CASQ2: variants seen among roughly 807,000 people sequenced by gnomAD.
CASQ2 encodes calsequestrin-2.
CASQ2 carries 49 observed loss-of-function variants against 46.5 expected under a neutral mutation model. That is an observed-to-expected ratio of 1.05 (90% CI 0.84 to 1.34). The LOEUF (loss-of-function observed/expected upper bound fraction) is 1.34. Ranked by LOEUF, CASQ2 falls within the 40% of genes most tolerant of loss-of-function variation. CASQ2 has a pLI of 0.00. For missense variants in CASQ2, 486 were observed against 481.3 expected (o/e 1.01, Z -0.09); for synonymous variants, 174 against 168.5 (o/e 1.03, Z -0.25).
At chr1:115,758,992 C>T (rs1055069240) in intron 1 of CASQ2, among the ~76,000 whole-genome samples, 6 of 152,108 alleles carry the variant, frequency 3.9e-5, no homozygotes, top group Non-Finnish European at 7.4e-5. Flanking sequence ...GTAGAAAAAG[C>T]ATAGAGGAGG....
chr1:115,759,521 A>G (rs949441370), intron 1 of CASQ2, among the ~76,000 whole-genome samples: 2 of 152,156 alleles, frequency 1.3e-5, no homozygotes, highest in African/African-American at 4.8e-5. Flanking sequence ...GCAGCTGCCA[A>G]TTTTGAACTT....
chr1:115,744,955 G>A (rs1648332949), intron 1 of CASQ2, 43 bp from the exon 2 acceptor site: 1 of 1,362,148 alleles, frequency 7.3e-7, no homozygotes, highest in Non-Finnish European at 1.1e-6. Context: ...AGGGCAGAAA[G>A]ATGGTAGAAA....
At chr1:115,734,954 A>C (rs144156633) in intron 4 of CASQ2, among the ~76,000 whole-genome samples, 1 of 152,246 alleles carries the variant, frequency 6.6e-6, no homozygotes, top group Non-Finnish European at 1.5e-5. Flanking sequence ...TTCTGAAAGC[A>C]CTGCACAAAA....
chr1:115,765,454 G>A (rs1649103493), intron 1 of CASQ2, among the ~76,000 whole-genome samples: 2 of 152,094 alleles, frequency 1.3e-5, no homozygotes, highest in Admixed American at 6.6e-5. Context: ...CTAGTGTGAG[G>A]AGCTATGAGT....
rs550654672 is a variant in CASQ2, at chr1:115,733,177, G to C, written c.533-203C>G. Among the ~76,000 whole-genome samples the C allele has an allele frequency of 6.6e-5, 10 of 152,232 alleles. 1 individual carries two copies. The South Asian group carries it at 2.1e-3, about 32-fold the overall frequency. Reference sequence around the variant, plus strand: ...AGTTGGAATTGACTGGCATTCAAACGCCCAAGAGAAGACCCATTCACCACA... The same window carrying C: ...AGTTGGAATTGACTGGCATTCAAACCCCCAAGAGAAGACCCATTCACCACA... On this transcript the variant is annotated intron_variant, in intron 4 of 10. Transcript: ENST00000261448.
At position 115,700,156 on chromosome 1, in the gene CASQ2, C is replaced by T. The variant is rs1654160951; in HGVS notation, c.*1085G>A. ...TGAGAAAATAAATTAGAAAATTATA[C>T]TGCACACTTAACACTAAATCTACCA... On this transcript the variant is annotated 3_prime_UTR_variant, in exon 11 of 11. Coordinates refer to ENST00000261448, the MANE Select transcript of CASQ2 (RefSeq NM_001232.4). 1 of 152,442 alleles carries T rather than the reference C, an allele frequency of 6.6e-6. No homozygotes were observed. Among genetic ancestry groups the T allele is most frequent in the South Asian group, 2.1e-4 (1 of 4,816 alleles). The allele number at this position is 152,442 out of a possible 1,614,324, so 9.4% of individuals were successfully genotyped here.
rs1557783511 is a variant in CASQ2 at position 115,700,941 on chromosome 1, A to G, written c.*300T>C. Reference sequence around the variant, plus strand: ...AGGGGATTGTTCACCCTAGACTGCCATGTTCAGGCACTGCCATGACCCTTG... The same window carrying G: ...AGGGGATTGTTCACCCTAGACTGCCGTGTTCAGGCACTGCCATGACCCTTG... On this transcript the variant is annotated 3_prime_UTR_variant, in exon 11 of 11. Coordinates refer to ENST00000261448, the MANE Select transcript of CASQ2 (RefSeq NM_001232.4). 1.8e-5 allele frequency: 11 copies of G among 605,170 alleles called. No homozygotes were observed. The highest frequency in any genetic ancestry group is 1.8e-4 in the South Asian group (9 of 50,240). The allele number at this position is 605,170 out of a possible 1,614,324, so 37.5% of individuals were successfully genotyped here.
chr1:115,738,139 A>G, intron 4 of CASQ2, 85 bp downstream of exon 4: 1 of 822,672 alleles, frequency 1.2e-6, no homozygotes, highest in Non-Finnish European at 2.2e-6. Flanking sequence ...GGTGCTGAAG[A>G]CCCATCCTCT....
rs569885670 is a variant in CASQ2, at chr1:115,750,757, T to C, written c.235-5845A>G. Among the ~76,000 whole-genome samples the C allele has an allele frequency of 9.8e-5, 15 of 152,324 alleles. No individual in the cohort carries two copies. In the East Asian group the frequency reaches 2.3e-3, roughly 23 times the overall value. ...TCCTGGGCTCAATAATCCTCCCACT[T>C]TGGCCTCCCAAAATGTTGGGATTAC... On this transcript the variant is annotated intron_variant, in intron 1 of 10. Transcript: ENST00000261448.
intron 1 of CASQ2, among the ~76,000 whole-genome samples, chr1:115,762,741 T>C (rs566025899): frequency 6.6e-6 from 1 of 152,334 alleles, no homozygotes; most frequent in South Asian, 2.1e-4. Context: ...TGCCTTCTTT[T>C]TCAGGCTGGA....
At chr1:115,750,978 T>C (rs367623170) in intron 1 of CASQ2, among the ~76,000 whole-genome samples, 29 of 149,558 alleles carry the variant, frequency 1.9e-4, no homozygotes, top group African/African-American at 7.1e-4. Flanking sequence ...ATGGATACTA[T>C]GTCCCAGTTG....
intron 5 of CASQ2, among the ~76,000 whole-genome samples, chr1:115,727,880 T>C (rs1280569041): frequency 2.0e-5 from 3 of 152,244 alleles, no homozygotes; most frequent in Non-Finnish European, 4.4e-5. Context: ...AGACATTTTC[T>C]CTCTGGATTA....
intron 6 of CASQ2, among the ~76,000 whole-genome samples, chr1:115,726,220 T>C (rs1156414085): frequency 6.6e-6 from 1 of 152,204 alleles, no homozygotes. Flanking sequence ...GACAAGCCAG[T>C]GAGTCCACTA....
chr1:115,719,696 A>G (rs1557790197), intron 7 of CASQ2, among the ~76,000 whole-genome samples: 3 of 152,152 alleles, frequency 2.0e-5, no homozygotes, highest in Non-Finnish European at 4.4e-5. Context: ...ACAGAGCCAG[A>G]ACCCATGGGC....
chr1:115,718,548 C>A (rs1054702051), intron 7 of CASQ2, among the ~76,000 whole-genome samples: 10 of 152,148 alleles, frequency 6.6e-5, no homozygotes, highest in Admixed American at 3.3e-4. Flanking sequence ...GGGGACACTG[C>A]TAGAAGTGGC....
At chr1:115,739,941 T>G (rs1313374801) in intron 3 of CASQ2, among the ~76,000 whole-genome samples, 2 of 152,306 alleles carry the variant, frequency 1.3e-5, no homozygotes, top group African/African-American at 2.4e-5. Context: ...CATGTGGGTG[T>G]GAGTCAATGA....
chr1:115,748,343 AC>A (rs372627441), intron 1 of CASQ2, among the ~76,000 whole-genome samples: 2 of 152,084 alleles, frequency 1.3e-5, no homozygotes, highest in African/African-American at 4.8e-5. Context: ...TCCCTCCCAG[AC>A]CTTTTCATCT....
intron 5 of CASQ2, among the ~76,000 whole-genome samples, chr1:115,730,876 A>G (rs913461631): frequency 5.3e-5 from 8 of 152,142 alleles, no homozygotes; most frequent in African/African-American, 1.9e-4. Flanking sequence ...GATGTGTTGT[A>G]CAAACAGGTC....
Position 115,700,733 on chromosome 1 carries a change from C to A in CASQ2, c.*508G>T. On this transcript the variant is annotated 3_prime_UTR_variant, in exon 11 of 11. Transcript: ENST00000261448. ...TATAAGTTTGCTTCCAAGGCTGAGC[C>A]TTCTCTAAGAAGGATCATCTTGGCT... The A allele has an allele frequency of 5.1e-6, 2 of 392,016 alleles. No homozygotes were observed. The highest frequency in any genetic ancestry group is 4.5e-6 in the Non-Finnish European group (1 of 220,696). 24.3% of individuals were successfully genotyped at this position (392,016 alleles called of 1,614,324 possible). A position where few individuals can be genotyped will look rare whatever the true frequency, so the allele number is the denominator to read the frequency against.
Sources: allele counts gnomAD v4.1 joint callset (sites outside exome capture counted in the v4.1 genomes callset), GRCh38; gene constraint gnomAD v4.1.1; transcripts MANE v1.5; gene names NCBI Gene and HGNC (gene_info 2026-07-23, HGNC 2026-07-21).